Variants in CCDC12 observed in about 807,000 individuals in gnomAD.
CCDC12 encodes the protein coiled-coil domain containing 12.
In CCDC12, 28 loss-of-function variants were observed where a neutral mutation model predicts 25.7. The observed-to-expected ratio is 1.09, with a 90% CI of 0.81 to 1.50. CCDC12 has a LOEUF of 1.50. Ranked by LOEUF, CCDC12 falls within the 40% of genes most tolerant of loss-of-function variation. The pLI is 0.00. For synonymous variants in CCDC12, 75 were observed against 87.7 expected (o/e 0.86, Z 0.81); for missense variants, 198 against 210.0 (o/e 0.94, Z 0.35).
chr3:46,937,734 G>A (rs1451832558), intron 2 of CCDC12, among the ~76,000 whole-genome samples: 1 of 152,166 alleles, frequency 6.6e-6, no homozygotes, highest in Non-Finnish European at 1.5e-5. Context: ...GCTGCATCCT[G>A]CTCTTCCTGG....
At chr3:46,942,068 T>G (rs1469286649) in intron 1 of CCDC12, among the ~76,000 whole-genome samples, 3 of 152,226 alleles carry the variant, frequency 2.0e-5, no homozygotes, top group African/African-American at 7.2e-5. Flanking sequence ...AACCTTGACA[T>G]GTTATGCTTG....
In CCDC12 at chr3:46,923,345, G is replaced by A. The variant is rs1217897542; in HGVS notation, c.325C>T (p.Pro109Ser). The A allele has an allele frequency of 5.4e-6, 8 of 1,493,054 alleles. No homozygotes were observed. Among genetic ancestry groups the A allele is most frequent in the Admixed American group, 2.3e-5 (1 of 43,456 alleles). 92.5% of individuals were successfully genotyped at this position (1,493,054 alleles called of 1,614,324 possible). ...IEEVDLANLA[P>S]RKPDWDLKRD... ...AACACTCACCAGTCAGGCTTCCGAG[G>A]AGCGAGGTTGGCCAGGTCCTGGGAA... is the stretch of plus-strand genomic sequence containing the variant. The change falls in exon 5 of 7, where the codon CCT becomes TCT. Residue 109 changes from proline to serine, a missense_variant. By Grantham distance (74) the Pro-to-Ser change is moderately conservative (BLOSUM62 -1). Coordinates refer to ENST00000683445, the MANE Select transcript of CCDC12 (RefSeq NM_001277074.2).
intron 1 of CCDC12, among the ~76,000 whole-genome samples, chr3:46,950,846 T>C (rs956340647): frequency 6.6e-6 from 1 of 152,132 alleles, no homozygotes; most frequent in Non-Finnish European, 1.5e-5. Flanking sequence ...ATCCTGTCAT[T>C]TGCAACAACA....
At chr3:46,967,595 C>T (rs1306355087) in intron 1 of CCDC12, among the ~76,000 whole-genome samples, 1 of 152,208 alleles carries the variant, frequency 6.6e-6, no homozygotes, top group Non-Finnish European at 1.5e-5. Flanking sequence ...CCAACACACA[C>T]ACCACATTCC....
intron 2 of CCDC12, among the ~76,000 whole-genome samples, chr3:46,926,590 G>A (rs2032968787): frequency 6.6e-6 from 1 of 152,132 alleles, no homozygotes; most frequent in Non-Finnish European, 1.5e-5. Context: ...ACACACAGAA[G>A]CAGGCTCCCA....
rs1287836525 is a variant in CCDC12 at position 46,923,368 on chromosome 3, G to C, written c.307-5C>G. ...AGGAGCGAGGTTGGCCAGGTCCTGGGAAGGGAGGAGACACACATCAGGGTG... is the reference window on the plus strand; with the variant it reads ...AGGAGCGAGGTTGGCCAGGTCCTGGCAAGGGAGGAGACACACATCAGGGTG... On this transcript the variant is annotated splice_polypyrimidine_tract_variant and splice_region_variant and intron_variant, in intron 4 of 6. Coordinates refer to ENST00000683445, the MANE Select transcript of CCDC12 (RefSeq NM_001277074.2). 2 of 1,493,636 alleles carry C rather than the reference G, an allele frequency of 1.3e-6. No homozygotes were observed. The highest frequency in any genetic ancestry group is 2.8e-5 in the African/African-American group (2 of 70,680). 92.5% of individuals were successfully genotyped at this position (1,493,636 alleles called of 1,614,324 possible).
At chr3:46,940,871 G>C in intron 2 of CCDC12, 127 bp downstream of exon 2, 1 of 893,490 alleles carries the variant, frequency 1.1e-6, no homozygotes, top group South Asian at 1.4e-5. Flanking sequence ...GAACAGGACA[G>C]CCATGGGCAG....
At chr3:46,951,798 A>AAAAAAAAATATAT in intron 1 of CCDC12, among the ~76,000 whole-genome samples, 2 of 8,474 alleles carry the variant, frequency 2.4e-4, no homozygotes, top group African/African-American at 4.9e-4. Context: ...AAAAAAAAAA[A>AAAAAAAAATATAT]ATATATATAT....
At chr3:46,963,941 T>C (rs2034547903) in intron 1 of CCDC12, among the ~76,000 whole-genome samples, 1 of 152,150 alleles carries the variant, frequency 6.6e-6, no homozygotes, top group South Asian at 2.1e-4. Flanking sequence ...GAGGAGCCCC[T>C]CTGCCTGGCT....
At chr3:46,932,671 CA>C (rs2033277727) in intron 2 of CCDC12, among the ~76,000 whole-genome samples, 1 of 152,236 alleles carries the variant, frequency 6.6e-6, no homozygotes, top group Non-Finnish European at 1.5e-5. Flanking sequence ...ATCACAGCCT[CA>C]GGGGGTGGAC....
intron 1 of CCDC12, among the ~76,000 whole-genome samples, chr3:46,957,570 C>G (rs762603961): frequency 2.0e-5 from 3 of 152,128 alleles, no homozygotes; most frequent in Non-Finnish European, 2.9e-5. Flanking sequence ...AACCTAACAA[C>G]GAAGTGTGTG....
At chr3:46,977,988 C>T (rs1301831571), upstream of CCDC12, among the ~76,000 whole-genome samples, 2 of 152,258 alleles carry the variant, frequency 1.3e-5, no homozygotes, top group East Asian at 1.9e-4. Context: ...GCCACACCCC[C>T]TCTCACTTGG....
chr3:46,945,476 G>C (rs1253325664), intron 1 of CCDC12, among the ~76,000 whole-genome samples: 5 of 152,260 alleles, frequency 3.3e-5, no homozygotes, highest in African/African-American at 2.4e-5. Flanking sequence ...AGCCTTTGAG[G>C]CAGGATTTCA....
Position 46,922,181 on chromosome 3 carries a change from T to C in CCDC12, c.419-42A>G, listed in dbSNP as rs922732673. On this transcript the variant is annotated intron_variant, in intron 6 of 6. Coordinates refer to ENST00000683445, the MANE Select transcript of CCDC12 (RefSeq NM_001277074.2). The stretch of plus-strand genomic sequence containing the variant: ...ACAGAAGGGGTGGGGAGGGGCCCGG[T>C]GCTTGGGCCACCACCCAGTGGGCAG... The C allele has an allele frequency of 4.3e-6, 7 of 1,613,646 alleles. No individual in the cohort carries two copies. The South Asian group carries it at 5.5e-5, about 13-fold the overall frequency.
chr3:46,978,541 G>A (rs936651095), upstream of CCDC12, among the ~76,000 whole-genome samples: 5 of 149,284 alleles, frequency 3.3e-5, no homozygotes, highest in Admixed American at 2.6e-4. Flanking sequence ...CCCTTTCCCC[G>A]TGTCCAGACT....
At chr3:46,951,776 T>C (rs1452716439) in intron 1 of CCDC12, among the ~76,000 whole-genome samples, 1 of 4,290 alleles carries the variant, frequency 2.3e-4, no homozygotes, top group Non-Finnish European at 1.0e-3. Context: ...CGAGACTCCG[T>C]CTCAAAAAAA....
chr3:46,951,270 A>G (rs900771890), intron 1 of CCDC12, among the ~76,000 whole-genome samples: 2 of 152,188 alleles, frequency 1.3e-5, no homozygotes, highest in Non-Finnish European at 2.9e-5. Flanking sequence ...ACAAAGTTCC[A>G]GTTAGGCAGG....
chr3:46,948,239 T>G (rs749389320), intron 1 of CCDC12, among the ~76,000 whole-genome samples: 4 of 151,826 alleles, frequency 2.6e-5, no homozygotes, highest in South Asian at 2.1e-4. Flanking sequence ...CAGGAACAGG[T>G]GGTGACTACC....
intron 1 of CCDC12, among the ~76,000 whole-genome samples, chr3:46,968,719 A>T (rs1423899105): frequency 6.6e-6 from 1 of 152,178 alleles, no homozygotes; most frequent in African/African-American, 2.4e-5. Context: ...TATATGTGTG[A>T]TGGGTGGAGG....
Sources: allele counts gnomAD v4.1 joint callset (sites outside exome capture counted in the v4.1 genomes callset), GRCh38; gene constraint gnomAD v4.1.1; transcripts MANE v1.5; gene names NCBI Gene and HGNC (gene_info 2026-07-23, HGNC 2026-07-21).